The following ARB2A variants were observed in gnomAD, a reference collection of about 807,000 sequenced individuals.
ARB2A encodes the protein ARB2 cotranscriptional regulator A.
chr5:93,922,652 GAGGGAGGGAGGA>G, the ARB2A span, among the ~76,000 whole-genome samples: 4 of 89,834 alleles, frequency 4.5e-5, no homozygotes, highest in African/African-American at 1.3e-4. Context: ...GGGAGGGAGG[GAGGGAGGGAGGA>G]AGGGAGGGAG....
chr5:93,983,168 GAGGTGTGT>G, the ARB2A span, among the ~76,000 whole-genome samples: 1 of 128,510 alleles, frequency 7.8e-6, no homozygotes, highest in Admixed American at 8.1e-5. Flanking sequence ...TGGCTGTGGA[GAGGTGTGT>G]GTGTGTGTGT....
the ARB2A span, among the ~76,000 whole-genome samples, chr5:93,991,103 G>A: frequency 2.0e-5 from 3 of 152,070 alleles, no homozygotes; most frequent in East Asian, 1.9e-4. Context: ...GAGAACTACT[G>A]GAGAAAACTT....
chr5:93,740,053 C>A, the ARB2A span: 3 of 151,280 alleles, frequency 2.0e-5, no homozygotes, highest in Admixed American at 2.0e-4. Context: ...AGCAAGGGCT[C>A]TAGGTGGGCT....
chr5:93,818,395 T>C, the ARB2A span, among the ~76,000 whole-genome samples: 4 of 152,304 alleles, frequency 2.6e-5, no homozygotes, highest in African/African-American at 9.6e-5. Flanking sequence ...AGGATGAATT[T>C]TATGGCATGT....
At chr5:93,708,675 G>C in the ARB2A span, among the ~76,000 whole-genome samples, 1 of 152,140 alleles carries the variant, frequency 6.6e-6, no homozygotes, top group Non-Finnish European at 1.5e-5. Context: ...GTGTGACCCA[G>C]TTCCTAACAG....
At chr5:93,688,604 A>C in the ARB2A span, among the ~76,000 whole-genome samples, 1 of 152,110 alleles carries the variant, frequency 6.6e-6, no homozygotes, top group Non-Finnish European at 1.5e-5. Flanking sequence ...TATTTATATA[A>C]TAATCTCTCT....
At chr5:93,683,837 T>G in the ARB2A span, among the ~76,000 whole-genome samples, 6 of 152,084 alleles carry the variant, frequency 3.9e-5, no homozygotes, top group Non-Finnish European at 8.8e-5. Context: ...TTTAAAGATA[T>G]ATATTTTGAA....
At chr5:93,737,010 A>G in the ARB2A span, 1 of 152,206 alleles carries the variant, frequency 6.6e-6, no homozygotes, top group Non-Finnish European at 1.5e-5. Flanking sequence ...AAGCAAAACT[A>G]TCTTTATTCA....
chr5:93,988,156 C>T, the ARB2A span, among the ~76,000 whole-genome samples: 25 of 152,282 alleles, frequency 1.6e-4, no homozygotes, highest in Non-Finnish European at 3.1e-4. Context: ...GTCATTATCT[C>T]TTCCTTGCTT....
At chr5:93,962,930 T>TA in the ARB2A span, among the ~76,000 whole-genome samples, 2 of 152,038 alleles carry the variant, frequency 1.3e-5, no homozygotes, top group Non-Finnish European at 2.9e-5. Flanking sequence ...TAATGAAACT[T>TA]AAACATATAA....
chr5:93,705,742 A>T, the ARB2A span, among the ~76,000 whole-genome samples: 1 of 151,800 alleles, frequency 6.6e-6, no homozygotes, highest in Non-Finnish European at 1.5e-5. Flanking sequence ...ACTTCAATTA[A>T]GCAACTATTG....
At chr5:93,740,781 G>A in the ARB2A span, 7 of 1,612,500 alleles carry the variant, frequency 4.3e-6, no homozygotes, top group South Asian at 4.4e-5. Flanking sequence ...CCATCTTGCT[G>A]CGGTTATAGA....
the ARB2A span, among the ~76,000 whole-genome samples, chr5:94,026,125 A>G: frequency 6.6e-6 from 1 of 152,114 alleles, no homozygotes; most frequent in African/African-American, 2.4e-5. Context: ...AGCTCCAGAG[A>G]GGATGTTACA....
chr5:94,110,246 CCACTAGAATG>C, the ARB2A span, among the ~76,000 whole-genome samples: 359 of 152,296 alleles, frequency 2.4e-3, no homozygotes, highest in African/African-American at 8.3e-3. Context: ...ACGTCTCCAT[CCACTAGAATG>C]TAAGTTCCAG....
chr5:94,089,971 A>T, the ARB2A span, among the ~76,000 whole-genome samples: 1 of 152,202 alleles, frequency 6.6e-6, no homozygotes, highest in Non-Finnish European at 1.5e-5. Flanking sequence ...ACTATGATTT[A>T]ATCAATGAAC....
chr5:94,098,716 A>T, the ARB2A span, among the ~76,000 whole-genome samples: 1 of 152,148 alleles, frequency 6.6e-6, no homozygotes, highest in African/African-American at 2.4e-5. Flanking sequence ...AAAAAATAAT[A>T]AAATAGGCCA....
chr5:94,064,292 CTCAA>C, the ARB2A span, among the ~76,000 whole-genome samples: 1 of 151,960 alleles, frequency 6.6e-6, no homozygotes, highest in Non-Finnish European at 1.5e-5. Context: ...TTTGAAATAG[CTCAA>C]TCAGACAAAA....
the ARB2A span, among the ~76,000 whole-genome samples, chr5:93,877,419 A>C: frequency 6.6e-6 from 1 of 152,078 alleles, no homozygotes; most frequent in East Asian, 1.9e-4. Flanking sequence ...CTTAGGCCTA[A>C]TCTTGTTGTT....
the ARB2A span, among the ~76,000 whole-genome samples, chr5:94,067,304 T>C: frequency 6.6e-6 from 1 of 152,178 alleles, no homozygotes; most frequent in Non-Finnish European, 1.5e-5. Flanking sequence ...CCACTTTCAC[T>C]ACTCCTATTC....
Sources: gnomAD v4.1 joint callset for allele counts (sites outside exome capture counted in the v4.1 genomes callset) on GRCh38, gnomAD v4.1.1 for gene constraint, MANE v1.5 for transcripts, NCBI Gene and HGNC (gene_info 2026-07-23, HGNC 2026-07-21) for gene names.